CACNB2: variants seen among roughly 807,000 people sequenced by gnomAD.
CACNB2 encodes the protein calcium voltage-gated channel auxiliary subunit beta 2, also known as voltage-dependent L-type calcium channel subunit beta-2.
In CACNB2, 42 loss-of-function variants were observed where a neutral mutation model predicts 73.3. That is an observed-to-expected ratio of 0.57 (90% CI 0.45 to 0.74). The LOEUF is 0.74. Ranked by LOEUF, CACNB2 falls within the 30% of genes least tolerant of loss-of-function variation. The pLI is 0.00. For synonymous variants in CACNB2, 348 were observed against 310.3 expected (o/e 1.12, Z -1.28); for missense variants, 940 against 853.0 (o/e 1.10, Z -1.27).
chr10:18,261,930 A>G (rs751053438), intron 2 of CACNB2: 13 of 518,868 alleles, frequency 2.5e-5, no homozygotes, highest in Non-Finnish European at 4.2e-5. Flanking sequence ...ATTGAAGTGT[A>G]TCACTACTTA....
chr10:18,351,794 A>G (rs1321034055), intron 2 of CACNB2, among the ~76,000 whole-genome samples: 1 of 152,230 alleles, frequency 6.6e-6, no homozygotes, highest in Non-Finnish European at 1.5e-5. Flanking sequence ...ATTGCTTTCA[A>G]AGTTAGAGAA....
intron 2 of CACNB2, among the ~76,000 whole-genome samples, chr10:18,337,372 C>T (rs920262379): frequency 6.6e-6 from 1 of 152,110 alleles, no homozygotes. Flanking sequence ...AAAGTGCTGG[C>T]ATTACAGGCG....
chr10:18,381,690 A>G (rs1353745611), intron 2 of CACNB2, among the ~76,000 whole-genome samples: 1 of 101,964 alleles, frequency 9.8e-6, no homozygotes, highest in Non-Finnish European at 2.2e-5. Context: ...CTCCGTCTCA[A>G]AAAAAAAAAA....
At chr10:18,325,813 C>T (rs2040568430) in intron 2 of CACNB2, among the ~76,000 whole-genome samples, 1 of 151,402 alleles carries the variant, frequency 6.6e-6, no homozygotes, top group South Asian at 2.1e-4. Flanking sequence ...GGCATAATCT[C>T]AGCTCACTGC....
At chr10:18,395,115 G>GGA (rs757732654) in intron 2 of CACNB2, among the ~76,000 whole-genome samples, 60 of 151,232 alleles carry the variant, frequency 4.0e-4, no homozygotes, top group African/African-American at 9.0e-4. Context: ...AAAAGAGAAG[G>GGA]GAGAGAGAGA....
intron 3 of CACNB2, among the ~76,000 whole-genome samples, chr10:18,451,643 G>C (rs990092323): frequency 2.0e-5 from 3 of 152,180 alleles, no homozygotes; most frequent in African/African-American, 7.2e-5. Flanking sequence ...TCCCAGAAGA[G>C]AGGAAACTTC....
intron 2 of CACNB2, among the ~76,000 whole-genome samples, chr10:18,230,549 T>C (rs1281853615): frequency 1.3e-5 from 2 of 152,222 alleles, no homozygotes; most frequent in East Asian, 1.9e-4. Context: ...CCTCAAGATA[T>C]GTGGTACTAA....
chr10:18,397,523 G>A (rs11014049), intron 2 of CACNB2, among the ~76,000 whole-genome samples: 42,647 of 151,506 alleles, frequency 0.28, 6,252 homozygotes, highest in Middle Eastern at 0.4. Context: ...AGACATAAAA[G>A]TGGAAAAACA....
intron 2 of CACNB2, among the ~76,000 whole-genome samples, chr10:18,189,986 C>T (rs893235127): frequency 6.6e-6 from 1 of 152,098 alleles, no homozygotes; most frequent in African/African-American, 2.4e-5. Flanking sequence ...ACGGAAAGCC[C>T]GTAAGCAAAT....
intron 2 of CACNB2, among the ~76,000 whole-genome samples, chr10:18,224,574 G>C (rs1244583346): frequency 6.6e-6 from 1 of 152,128 alleles, no homozygotes; most frequent in African/African-American, 2.4e-5. Flanking sequence ...AAGTTAGTTA[G>C]CAACTTGGAT....
chr10:18,445,600 A>C (rs979634498), intron 3 of CACNB2, among the ~76,000 whole-genome samples: 1 of 85,014 alleles, frequency 1.2e-5, no homozygotes, highest in East Asian at 2.0e-4. Flanking sequence ...AATATGAACG[A>C]GAGAGACCGT....
intron 10 of CACNB2, among the ~76,000 whole-genome samples, chr10:18,530,171 G>A (rs982810954): frequency 6.6e-6 from 1 of 152,156 alleles, no homozygotes; most frequent in African/African-American, 2.4e-5. Context: ...AATTCAAGAT[G>A]AGATTTCGGT....
At chr10:18,328,395 G>A (rs778443835) in intron 2 of CACNB2, among the ~76,000 whole-genome samples, 4 of 152,130 alleles carry the variant, frequency 2.6e-5, no homozygotes, top group Non-Finnish European at 5.9e-5. Context: ...GAGAAAGACT[G>A]GTTTAAAGCA....
At chr10:18,327,356 C>A (rs2040626060) in intron 2 of CACNB2, among the ~76,000 whole-genome samples, 1 of 152,080 alleles carries the variant, frequency 6.6e-6, no homozygotes, top group Non-Finnish European at 1.5e-5. Context: ...TCAGATATAC[C>A]TAAATGCTCT....
At chr10:18,442,679 G>A (rs1234184111) in intron 3 of CACNB2, among the ~76,000 whole-genome samples, 2 of 150,948 alleles carry the variant, frequency 1.3e-5, no homozygotes, top group African/African-American at 4.9e-5. Flanking sequence ...ACAAAAATTA[G>A]CTGGGCGTGG....
chr10:18,499,987 GC>G (rs2050106240), intron 4 of CACNB2, among the ~76,000 whole-genome samples: 1 of 151,892 alleles, frequency 6.6e-6, no homozygotes, highest in South Asian at 2.1e-4. Context: ...AAATAGAAGA[GC>G]CTAGAGAATT....
intron 2 of CACNB2, among the ~76,000 whole-genome samples, chr10:18,187,580 T>G (rs1300567288): frequency 6.6e-6 from 1 of 152,144 alleles, no homozygotes; most frequent in African/African-American, 2.4e-5. Flanking sequence ...GGTTCTTATA[T>G]TTTTCTTTTT....
chr10:18,377,178 G>C (rs946137146), intron 2 of CACNB2, among the ~76,000 whole-genome samples: 1 of 152,124 alleles, frequency 6.6e-6, no homozygotes, highest in African/African-American at 2.4e-5. Flanking sequence ...ACCAGTTTAA[G>C]TGTAAATAAT....
intron 3 of CACNB2, among the ~76,000 whole-genome samples, chr10:18,407,851 A>G (rs1385467279): frequency 2.0e-5 from 3 of 151,836 alleles, no homozygotes; most frequent in Non-Finnish European, 4.4e-5. Context: ...TAGCCATAAT[A>G]TTTTCTCTTA....
Sources: gnomAD v4.1 joint callset for allele counts (sites outside exome capture counted in the v4.1 genomes callset) on GRCh38, gnomAD v4.1.1 for gene constraint, MANE v1.5 for transcripts, NCBI Gene and HGNC (gene_info 2026-07-23, HGNC 2026-07-21) for gene names.